SLC12A1: variants seen among roughly 807,000 people sequenced by gnomAD.
SLC12A1 encodes solute carrier family 12 member 1, also known as Na-K-2Cl cotransporter.
A neutral mutation model predicts 130.4 loss-of-function variants in SLC12A1; 89 were observed. The observed-to-expected ratio is 0.68, with a 90% CI of 0.58 to 0.81. The LOEUF (loss-of-function observed/expected upper bound fraction) is 0.81. Among genes scored for constraint, SLC12A1 ranks in the 40% least tolerant of loss-of-function variants. The pLI is 0.00. For synonymous variants in SLC12A1, 499 were observed against 460.0 expected, an observed-to-expected ratio of 1.08 and a Z score of -1.09; for missense variants, 1,310 against 1,336.4, an observed-to-expected ratio of 0.98 and a Z score of 0.31.
intron 2 of SLC12A1, among the ~76,000 whole-genome samples, chr15:48,212,380 G>C (rs976985369): frequency 6.6e-6 from 1 of 151,972 alleles, no homozygotes; most frequent in Non-Finnish European, 1.5e-5. Flanking sequence ...CTAACTTTCT[G>C]TTTATATTTA....
In SLC12A1 at chr15:48,249,596, C is replaced by A. The variant is rs754218502; in HGVS notation, c.1706C>A (p.Pro569His). 1.2e-6 allele frequency: 2 copies of A among 1,613,814 alleles called. No individual in the cohort carries two copies. The highest frequency in any genetic ancestry group is 1.7e-6 in the Non-Finnish European group (2 of 1,179,774). Reference sequence around the variant, plus strand: ...ACAGCGGAACTGAACACCATTGCTCCCATCATCTCCAACTTTTTCCTGGCC... The same window carrying A: ...ACAGCGGAACTGAACACCATTGCTCACATCATCTCCAACTTTTTCCTGGCC... ...ILIAELNTIA[P>H]IISNFFLASY... is the part of the protein sequence containing the mutation. Residue 569 changes from proline to histidine, a missense_variant, in exon 14 of 27, where the codon CCC (proline) becomes CAC (histidine). Pro to His is a moderately conservative substitution (Grantham distance 77, BLOSUM62 -2). Coordinates refer to ENST00000380993, the MANE Select transcript of SLC12A1 (RefSeq NM_000338.3).
chr15:48,258,614 G>C (rs1419133050), intron 16 of SLC12A1, among the ~76,000 whole-genome samples: 1 of 152,072 alleles, frequency 6.6e-6, no homozygotes, highest in East Asian at 1.9e-4. Flanking sequence ...CCTCCAAACT[G>C]TTCCAGCCTC....
intron 5 of SLC12A1, chr15:48,227,096 A>ACACAC (rs1406074065): frequency 1.3e-6 from 2 of 1,552,104 alleles, no homozygotes; most frequent in Admixed American, 3.9e-5. Flanking sequence ...AGTCATCATC[A>ACACAC]TTGGCCTAAG....
chr15:48,281,531 G>T (rs1321305538), intron 20 of SLC12A1, among the ~76,000 whole-genome samples: 1 of 152,182 alleles, frequency 6.6e-6, no homozygotes, highest in Non-Finnish European at 1.5e-5. Context: ...TTGCGATCAA[G>T]GCATATCACT....
chr15:48,292,857 A>G (rs1243387480), intron 24 of SLC12A1, among the ~76,000 whole-genome samples: 1 of 152,188 alleles, frequency 6.6e-6, no homozygotes, highest in African/African-American at 2.4e-5. Flanking sequence ...GGGCTTCGAC[A>G]CATGAATTTG....
At chr15:48,227,153 A>G (rs756813977) in intron 5 of SLC12A1, 35 of 1,551,258 alleles carry the variant, frequency 2.3e-5, no homozygotes, top group African/African-American at 1.4e-5. Flanking sequence ...TGCTATTTGC[A>G]CGAATGGAGT....
chr15:48,278,510 G>A (rs1700756055), intron 20 of SLC12A1, among the ~76,000 whole-genome samples: 1 of 152,158 alleles, frequency 6.6e-6, no homozygotes, highest in South Asian at 2.1e-4. Flanking sequence ...GAGAGGCAAT[G>A]GTGAAATCTG....
At chr15:48,236,135 G>A (rs2041437907) in intron 9 of SLC12A1, among the ~76,000 whole-genome samples, 1 of 143,220 alleles carries the variant, frequency 7.0e-6, no homozygotes, top group East Asian at 2.2e-4. Context: ...ACACACACAC[G>A]CAAAGTAGAA....
chr15:48,274,175 G>A (rs936846562), intron 19 of SLC12A1, among the ~76,000 whole-genome samples: 2 of 152,122 alleles, frequency 1.3e-5, no homozygotes, highest in African/African-American at 4.8e-5. Flanking sequence ...TCTGGGAGGC[G>A]GCCAGGTTGG....
intron 19 of SLC12A1, among the ~76,000 whole-genome samples, chr15:48,270,493 G>C (rs1278722831): frequency 6.6e-6 from 1 of 151,024 alleles, no homozygotes; most frequent in Non-Finnish European, 1.5e-5. Context: ...TCAGCATTTA[G>C]TGACAGAGCT....
chr15:48,284,757 G>A lies in SLC12A1; in HGVS notation c.2486-349G>A, dbSNP rs558028000. ...CAGGCTCAGGTGATCCTCTCACCTC[G>A]GCCTCCCAAGTAGCTGGCACTACAC... is the stretch of plus-strand genomic sequence containing the variant. On this transcript the variant is annotated intron_variant, in intron 20 of 26. Transcript: ENST00000380993. Among the ~76,000 whole-genome samples, 4 of 151,994 alleles carry A rather than the reference G, an allele frequency of 2.6e-5. No homozygotes were observed. The East Asian group carries it at 5.8e-4, about 22-fold the overall frequency.
rs117302937 is a variant in SLC12A1, at chr15:48,242,718, C to T, written c.1300+1119C>T. On this transcript the variant is annotated intron_variant, in intron 10 of 26. Coordinates refer to ENST00000380993, the MANE Select transcript of SLC12A1 (RefSeq NM_000338.3). ...TTGGAAGGGTGAGGTGGGAGGATTGCTTAAGCCTGGAAGGTCAAGGGTGCA... is the reference window on the plus strand; with the variant it reads ...TTGGAAGGGTGAGGTGGGAGGATTGTTTAAGCCTGGAAGGTCAAGGGTGCA... Among the ~76,000 whole-genome samples the T allele has an allele frequency of 6.4e-3, 980 of 152,264 alleles. 17 individuals are homozygous for T. Among genetic ancestry groups the T allele is most frequent in the East Asian group, 0.054 (278 of 5,172 alleles).
chr15:48,282,315 T>G (rs2042016326), intron 20 of SLC12A1, among the ~76,000 whole-genome samples: 1 of 152,218 alleles, frequency 6.6e-6, no homozygotes, highest in African/African-American at 2.4e-5. Context: ...CAGCTTGCTC[T>G]GTTCTGGATG....
In SLC12A1 at chr15:48,237,159, G is replaced by C; in HGVS notation, c.1215+2155G>C. Reference sequence around the variant, plus strand: ...AGTAAAGGAAGACTTTCAGAAGAGGGGACACTCAATCCAGGTTTTGAGGGA... The same window carrying C: ...AGTAAAGGAAGACTTTCAGAAGAGGCGACACTCAATCCAGGTTTTGAGGGA... On this transcript the variant is annotated intron_variant, in intron 9 of 26. Coordinates refer to ENST00000380993, the MANE Select transcript of SLC12A1 (RefSeq NM_000338.3). The C allele has an allele frequency of 9.5e-6, 6 of 632,910 alleles. No homozygotes were observed. The South Asian group carries it at 1.1e-4, about 12-fold the overall frequency. 39.2% of individuals were successfully genotyped at this position (632,910 alleles called of 1,614,324 possible). A position where few individuals can be genotyped will look rare whatever the true frequency, so the allele number is the denominator to read the frequency against.
chr15:48,280,621 G>A (rs577175094), intron 20 of SLC12A1, among the ~76,000 whole-genome samples: 103 of 152,182 alleles, frequency 6.8e-4, no homozygotes, highest in Admixed American at 1.2e-3. Flanking sequence ...ATTATCTAAT[G>A]TATTCAAGTT....
intron 2 of SLC12A1, among the ~76,000 whole-genome samples, chr15:48,214,347 C>T (rs1597396311): frequency 6.6e-6 from 1 of 152,092 alleles, no homozygotes; most frequent in East Asian, 1.9e-4. Context: ...GCAGTAGTTC[C>T]CTTAAACTTA....
At chr15:48,268,098 TG>T (rs1236783973) in intron 18 of SLC12A1, among the ~76,000 whole-genome samples, 2 of 152,122 alleles carry the variant, frequency 1.3e-5, no homozygotes, top group African/African-American at 4.8e-5. Context: ...CTTTTGCAAA[TG>T]GTGTTAGGGC....
Position 48,207,997 on chromosome 15 carries a change from C to A in SLC12A1, c.278C>A (p.Thr93Lys). 6.2e-7 allele frequency: 1 copy of A among 1,613,986 alleles called. No individual in the cohort carries two copies. Among genetic ancestry groups the A allele is most frequent in the South Asian group, 1.1e-5 (1 of 91,078 alleles). ...AGTTTTCACGCTTATGATTCTCACACAAACACATACTATCTACAAACTTTT... is the reference window on the plus strand; with the variant it reads ...AGTTTTCACGCTTATGATTCTCACAAAAACACATACTATCTACAAACTTTT... ...DASFHAYDSH[T>K]NTYYLQTFGH... The change falls in exon 2 of 27, where the codon ACA becomes AAA. Residue 93 changes from threonine to lysine, a missense_variant. Coordinates refer to ENST00000380993, the MANE Select transcript of SLC12A1 (RefSeq NM_000338.3).
chr15:48,208,105 C>A lies in SLC12A1; in HGVS notation c.386C>A (p.Pro129His). Reference protein sequence around the residue: ...GSISGPKVNRPSLLEIHEQLA... With the variant: ...GSISGPKVNRHSLLEIHEQLA... ...ATCAGTGGGCCCAAGGTCAACCGAC[C>A]CAGCCTGCTTGAGATTCACGAGCAA... The change falls in exon 2 of 27, where the codon CCC becomes CAC. Residue 129 changes from proline to histidine, a missense_variant. Pro to His is a moderately conservative substitution (Grantham distance 77, BLOSUM62 -2). Coordinates refer to ENST00000380993, the MANE Select transcript of SLC12A1 (RefSeq NM_000338.3). The A allele has an allele frequency of 6.2e-7, 1 of 1,600,964 alleles. No individual in the cohort carries two copies. The highest frequency in any genetic ancestry group is 8.5e-7 in the Non-Finnish European group (1 of 1,172,258).
Sources: allele counts gnomAD v4.1 joint callset (sites outside exome capture counted in the v4.1 genomes callset), GRCh38; gene constraint gnomAD v4.1.1; transcripts MANE v1.5; gene names NCBI Gene and HGNC (gene_info 2026-07-23, HGNC 2026-07-21).